The following GALNT13 variants were observed in gnomAD, a reference collection of about 807,000 sequenced individuals.
GALNT13 encodes the protein polypeptide N-acetylgalactosaminyltransferase 13.
A neutral mutation model predicts 64.2 loss-of-function variants in GALNT13; 28 were observed. The ratio of observed to expected loss-of-function variants is 0.44; its 90% confidence interval spans 0.32 to 0.60. The LOEUF (loss-of-function observed/expected upper bound fraction) is 0.60. Ranked by LOEUF, GALNT13 falls within the 20% of genes least tolerant of loss-of-function variation. GALNT13 has a pLI of 0.05. For synonymous variants in GALNT13, 214 were observed against 224.6 expected (o/e 0.95, Z 0.42); for missense variants, 577 against 669.8 (o/e 0.86, Z 1.53).
chr2:153,685,010 T>C, the GALNT13 span, among the ~76,000 whole-genome samples: 5 of 151,752 alleles, frequency 3.3e-5, no homozygotes, highest in African/African-American at 1.2e-4. Flanking sequence ...CTGCATAGTA[T>C]CCATGATGTT....
At chr2:153,786,588 G>C in the GALNT13 span, among the ~76,000 whole-genome samples, 1 of 151,848 alleles carries the variant, frequency 6.6e-6, no homozygotes, top group Non-Finnish European at 1.5e-5. Context: ...TTATGATACT[G>C]AGAGGAGATC....
the GALNT13 span, among the ~76,000 whole-genome samples, chr2:153,357,782 T>G: frequency 6.6e-6 from 1 of 152,216 alleles, no homozygotes; most frequent in African/African-American, 2.4e-5. Flanking sequence ...GTAAGCGTAT[T>G]CATTAAATTG....
intron 2 of GALNT13, among the ~76,000 whole-genome samples, chr2:153,915,866 T>C (rs538563412): frequency 1.2e-4 from 19 of 152,256 alleles, no homozygotes; most frequent in African/African-American, 4.6e-4. Context: ...ATCAAAGAGA[T>C]TACCTGGAAA....
the GALNT13 span, among the ~76,000 whole-genome samples, chr2:153,607,598 G>C: frequency 6.6e-6 from 1 of 152,094 alleles, no homozygotes; most frequent in African/African-American, 2.4e-5. Context: ...TCAGTTGAAA[G>C]ATTATAACTT....
At chr2:153,321,192 TA>T in the GALNT13 span, among the ~76,000 whole-genome samples, 7 of 152,324 alleles carry the variant, frequency 4.6e-5, no homozygotes, top group African/African-American at 1.7e-4. Flanking sequence ...CTTTACTTTT[TA>T]AAAAACTATT....
chr2:153,408,275 G>GT, the GALNT13 span, among the ~76,000 whole-genome samples: 2 of 152,066 alleles, frequency 1.3e-5, no homozygotes, highest in African/African-American at 4.8e-5. Context: ...GAGTGGAGGG[G>GT]TTGCTTTCAT....
At chr2:153,070,759 G>A in the GALNT13 span, among the ~76,000 whole-genome samples, 115,731 of 152,064 alleles carry the variant, frequency 0.76, 46,135 homozygotes, top group East Asian at 0.93. Context: ...GGAGAGACAA[G>A]CTGCACACAT....
At chr2:154,081,860 G>A (rs1193094601) in intron 3 of GALNT13, among the ~76,000 whole-genome samples, 13 of 151,744 alleles carry the variant, frequency 8.6e-5, no homozygotes, top group African/African-American at 3.1e-4. Context: ...CAATAAAACA[G>A]TGCTTGAGCC....
chr2:153,809,657 C>G, the GALNT13 span, among the ~76,000 whole-genome samples: 2 of 152,064 alleles, frequency 1.3e-5, no homozygotes, highest in Admixed American at 1.3e-4. Flanking sequence ...GTCTATTAAT[C>G]CGAGGCATAT....
chr2:153,412,763 T>C, the GALNT13 span, among the ~76,000 whole-genome samples: 5,058 of 152,250 alleles, frequency 0.033, 299 homozygotes, highest in African/African-American at 0.12. Flanking sequence ...TCCAAATTTC[T>C]AGGGAGAGAC....
intron 4 of GALNT13, among the ~76,000 whole-genome samples, chr2:154,173,079 A>G (rs1429532551): frequency 5.3e-5 from 8 of 152,098 alleles, no homozygotes. Flanking sequence ...TTCAAAAGTT[A>G]CTGCGAAACT....
intron 9 of GALNT13, among the ~76,000 whole-genome samples, chr2:154,369,946 T>C (rs1697588310): frequency 6.6e-6 from 1 of 152,176 alleles, no homozygotes; most frequent in Admixed American, 6.6e-5. Flanking sequence ...ACCTTGGCTT[T>C]CATCTCATAA....
the GALNT13 span, among the ~76,000 whole-genome samples, chr2:153,504,566 C>T: frequency 6.6e-6 from 1 of 152,026 alleles, no homozygotes; most frequent in Non-Finnish European, 1.5e-5. Context: ...CCTTCTATGC[C>T]GATTTTGCTG....
chr2:153,855,583 T>A, the GALNT13 span, among the ~76,000 whole-genome samples: 2 of 152,116 alleles, frequency 1.3e-5, no homozygotes, highest in African/African-American at 4.8e-5. Context: ...CAAAAGGACA[T>A]CATAAGTATT....
At chr2:153,363,264 T>C in the GALNT13 span, among the ~76,000 whole-genome samples, 2 of 152,054 alleles carry the variant, frequency 1.3e-5, no homozygotes, top group Admixed American at 6.6e-5. Context: ...ACCACTGAAA[T>C]GCCCACATCA....
At chr2:153,698,736 A>C in the GALNT13 span, among the ~76,000 whole-genome samples, 1 of 152,214 alleles carries the variant, frequency 6.6e-6, no homozygotes, top group South Asian at 2.1e-4. Context: ...GATCAAGTGG[A>C]CTTAACAGAC....
chr2:153,763,156 A>G, the GALNT13 span, among the ~76,000 whole-genome samples: 3 of 152,046 alleles, frequency 2.0e-5, no homozygotes, highest in South Asian at 6.2e-4. Context: ...CTGAGATAAA[A>G]CTGGTTTAAA....
chr2:154,311,248 T>C (rs1479448127), intron 9 of GALNT13, among the ~76,000 whole-genome samples: 1 of 152,170 alleles, frequency 6.6e-6, no homozygotes, highest in Admixed American at 6.5e-5. Flanking sequence ...TGCACAGATA[T>C]ATCGGGGGTC....
chr2:153,256,650 G>T, the GALNT13 span, among the ~76,000 whole-genome samples: 3 of 152,160 alleles, frequency 2.0e-5, no homozygotes, highest in Non-Finnish European at 4.4e-5. Context: ...ATTTTTGTGT[G>T]GATGTCCTGT....
Sources: gnomAD v4.1 joint callset for allele counts (sites outside exome capture counted in the v4.1 genomes callset) on GRCh38, gnomAD v4.1.1 for gene constraint, MANE v1.5 for transcripts, NCBI Gene and HGNC (gene_info 2026-07-23, HGNC 2026-07-21) for gene names.